Variants in PDE11A observed in about 807,000 individuals in gnomAD.
PDE11A encodes phosphodiesterase 11A, also known as dual 3',5'-cyclic-AMP and -GMP phosphodiesterase 11A.
A neutral mutation model predicts 100.5 loss-of-function variants in PDE11A; 100 were observed. That is an observed-to-expected ratio of 1.00 (90% confidence interval 0.85 to 1.18). The LOEUF (loss-of-function observed/expected upper bound fraction) is 1.18, where lower values mean the gene tolerates loss of function less well. Among genes scored for constraint, PDE11A ranks in the 50% most tolerant of loss-of-function variants. The pLI is 0.00. For missense variants in PDE11A, 1,141 were observed against 1,152.6 expected, an observed-to-expected ratio of 0.99 and a Z score of 0.15; for synonymous variants, 381 against 420.8, an observed-to-expected ratio of 0.91 and a Z score of 1.16.
intron 5 of PDE11A, among the ~76,000 whole-genome samples, chr2:177,862,705 A>C (rs2083963879): frequency 6.6e-6 from 1 of 152,050 alleles, no homozygotes; most frequent in African/African-American, 2.4e-5. Context: ...AAATGGAAAG[A>C]TATCCTATGC....
chr2:177,652,082 T>C (rs1251583810), intron 19 of PDE11A, among the ~76,000 whole-genome samples: 3 of 152,338 alleles, frequency 2.0e-5, no homozygotes, highest in South Asian at 4.1e-4. Context: ...GCTTGCTTTG[T>C]TGCTGAGGCA....
chr2:178,087,003 A>G (rs1294778892), intron 2 of PDE11A, among the ~76,000 whole-genome samples: 1 of 152,254 alleles, frequency 6.6e-6, no homozygotes, highest in Non-Finnish European at 1.5e-5. Context: ...TATTAACAGT[A>G]GCAAAGATAT....
upstream of PDE11A, among the ~76,000 whole-genome samples, chr2:178,074,265 G>T (rs780295390): frequency 5.3e-5 from 8 of 151,754 alleles, no homozygotes; most frequent in Non-Finnish European, 7.4e-5. Flanking sequence ...GGTGTGGGGG[G>T]TAATAAAAAT....
chr2:177,946,723 C>T (rs1381167397), intron 2 of PDE11A, among the ~76,000 whole-genome samples: 547 of 51,210 alleles, frequency 0.011, no homozygotes, highest in Admixed American at 0.022. Context: ...CCGCCCCGTC[C>T]GGGAGGGAGG....
intron 2 of PDE11A, among the ~76,000 whole-genome samples, chr2:178,099,515 A>G (rs1054060024): frequency 4.6e-5 from 7 of 152,104 alleles, no homozygotes; most frequent in African/African-American, 1.4e-4. Flanking sequence ...AACATCACCA[A>G]TCATTAGGGA....
intron 5 of PDE11A, among the ~76,000 whole-genome samples, chr2:177,871,444 C>T (rs1437340241): frequency 1.3e-5 from 2 of 151,888 alleles, no homozygotes; most frequent in Non-Finnish European, 2.9e-5. Context: ...AGGAAGCCCA[C>T]ATCATAGAAC....
intron 9 of PDE11A, among the ~76,000 whole-genome samples, chr2:177,796,753 A>G (rs1393329677): frequency 2.6e-5 from 4 of 152,178 alleles, no homozygotes; most frequent in South Asian, 2.1e-4. Flanking sequence ...TCATAAGCCA[A>G]TGTTTTACAA....
chr2:177,962,021 C>A lies in PDE11A; in HGVS notation c.1071+52281G>T, dbSNP rs149256006. 4.0e-3 allele frequency among the ~76,000 whole-genome samples: 536 copies of A among 132,608 alleles called. 2 individuals are homozygous for A. The highest frequency in any genetic ancestry group is 0.015 in the African/African-American group (524 of 34,678). The allele number at this position is 132,608 out of a possible 152,430, so 87.0% of individuals were successfully genotyped here. A position where few individuals can be genotyped will look rare whatever the true frequency, so the allele number is the denominator to read the frequency against. On this transcript the variant is annotated intron_variant, in intron 2 of 19. Coordinates refer to ENST00000286063, the MANE Select transcript of PDE11A (RefSeq NM_016953.4). ...GCAGTGAGCCAAGATCACACTACTG[C>A]ACTCCAGCCTGGGTGACAGAGTGAG...
At chr2:178,048,612 C>G (rs1388273057) in intron 1 of PDE11A, among the ~76,000 whole-genome samples, 1 of 152,032 alleles carries the variant, frequency 6.6e-6, no homozygotes. Flanking sequence ...CAGGCCACCC[C>G]CAAAGAGCAG....
intron 5 of PDE11A, among the ~76,000 whole-genome samples, chr2:177,861,554 G>T (rs74267464): frequency 0.022 from 3,406 of 151,906 alleles, 60 homozygotes; most frequent in East Asian, 0.075. Context: ...ACTAATTTTG[G>T]AGAGATTGAC....
chr2:178,016,230 G>A (rs1001307362), intron 1 of PDE11A, among the ~76,000 whole-genome samples: 13 of 139,404 alleles, frequency 9.3e-5, no homozygotes, highest in Admixed American at 2.4e-4. Flanking sequence ...TGATCCACTC[G>A]CCTTGGCCTC....
intron 18 of PDE11A, among the ~76,000 whole-genome samples, chr2:177,668,970 G>T (rs2080632402): frequency 6.6e-6 from 1 of 152,150 alleles, no homozygotes; most frequent in South Asian, 2.1e-4. Context: ...ACATTCTTAA[G>T]TAATAACTGA....
At chr2:177,856,164 C>T (rs1310058909) in intron 5 of PDE11A, among the ~76,000 whole-genome samples, 1 of 152,102 alleles carries the variant, frequency 6.6e-6, no homozygotes, top group Non-Finnish European at 1.5e-5. Context: ...GACAACCAAG[C>T]TAACTGAGCA....
At chr2:177,779,739 G>T (rs1450561451) in intron 9 of PDE11A, among the ~76,000 whole-genome samples, 1 of 152,154 alleles carries the variant, frequency 6.6e-6, no homozygotes. Flanking sequence ...CTCCACTGAA[G>T]TCTTAAACCC....
chr2:178,014,222 A>T (rs1206878057), intron 2 of PDE11A, 80 bp downstream of exon 2: 8 of 1,100,950 alleles, frequency 7.3e-6, no homozygotes, highest in Non-Finnish European at 8.4e-6. Flanking sequence ...AGCTATTCAC[A>T]TAATTCCTGT....
intron 10 of PDE11A, among the ~76,000 whole-genome samples, chr2:177,761,714 C>A (rs1191723053): frequency 6.6e-6 from 1 of 152,074 alleles, no homozygotes. Flanking sequence ...TTTATATATA[C>A]AGATAGGGAG....
intron 2 of PDE11A, among the ~76,000 whole-genome samples, chr2:177,992,503 G>A (rs952659456): frequency 2.6e-5 from 4 of 152,052 alleles, no homozygotes; most frequent in African/African-American, 7.2e-5. Flanking sequence ...GTAAGTATCC[G>A]CCTCCTACCT....
At chr2:177,989,493 C>G (rs911969491) in intron 2 of PDE11A, among the ~76,000 whole-genome samples, 1 of 152,192 alleles carries the variant, frequency 6.6e-6, no homozygotes, top group Non-Finnish European at 1.5e-5. Flanking sequence ...GGGACTGATG[C>G]CATTGACACA....
At chr2:177,779,794 C>T (rs1378983382) in intron 9 of PDE11A, among the ~76,000 whole-genome samples, 1 of 152,150 alleles carries the variant, frequency 6.6e-6, no homozygotes, top group African/African-American at 2.4e-5. Context: ...TTCCAAACTC[C>T]GGTTAATGTT....
Sources: allele counts gnomAD v4.1 joint callset (sites outside exome capture counted in the v4.1 genomes callset), GRCh38; gene constraint gnomAD v4.1.1; transcripts MANE v1.5; gene names NCBI Gene and HGNC (gene_info 2026-07-23, HGNC 2026-07-21).